The following ZFHX2 variants were observed in gnomAD, a reference collection of about 807,000 sequenced individuals.
ZFHX2 encodes zinc finger homeobox 2, also known as zinc finger homeobox protein 2.
ZFHX2 carries 75 observed loss-of-function variants against 164.8 expected under a neutral mutation model. The observed-to-expected ratio is 0.46, with a 90% CI of 0.38 to 0.55. The LOEUF (loss-of-function observed/expected upper bound fraction) is 0.55. Ranked by LOEUF, ZFHX2 falls within the 20% of genes least tolerant of loss-of-function variation. The probability of loss-of-function intolerance (pLI) is 0.00; values close to 1 mark genes in which losing one functional copy is unlikely to be tolerated. For missense variants in ZFHX2, 2,933 were observed against 3,308.0 expected (o/e 0.89, Z 2.78); for synonymous variants, 1,217 against 1,351.4 (o/e 0.90, Z 2.18).
Position 23,526,238 on chromosome 14 carries a change from C to T in ZFHX2, c.3704G>A (p.Gly1235Asp). 5.9e-6 allele frequency: 9 copies of T among 1,536,292 alleles called. No individual in the cohort carries two copies. The highest frequency in any genetic ancestry group is 7.8e-6 in the Non-Finnish European group (9 of 1,146,900). The change falls in exon 9 of 10, where the codon GGT becomes GAT. Residue 1235 changes from glycine to aspartate, a missense_variant. Coordinates refer to ENST00000419474, the MANE Select transcript of ZFHX2 (RefSeq NM_033400.3). ...DPSAPARGEA[G>D]APPTTTAATD... ...GGCAGCAGTGGTGGTGGGTGGGGCA[C>T]CGGCCTCTCCCCGTGCAGGGGCAGA...
chr14:23,552,689 C>T (rs1882067443), upstream of ZFHX2, among the ~76,000 whole-genome samples: 1 of 151,996 alleles, frequency 6.6e-6, no homozygotes, highest in African/African-American at 2.4e-5. Flanking sequence ...GCAACCTTCA[C>T]CTCCCAGGTT....
intron 3 of ZFHX2, 139 bp from the exon 4 acceptor site, chr14:23,531,860 C>A: frequency 8.8e-7 from 1 of 1,135,730 alleles, no homozygotes; most frequent in Non-Finnish European, 1.1e-6. Flanking sequence ...TCACTGAAGC[C>A]TCTACCTCCT....
intron 1 of ZFHX2, among the ~76,000 whole-genome samples, chr14:23,545,555 T>C (rs1191493396): frequency 6.6e-6 from 1 of 152,246 alleles, no homozygotes; most frequent in South Asian, 2.1e-4. Flanking sequence ...GCCTAATCTT[T>C]CCAGAACCTC....
In ZFHX2 at chr14:23,528,943, C is replaced by T. The variant is rs906646147; in HGVS notation, c.2934+767G>A. ...AAGGGGATCCAGATGCTCATCTTAA[C>T]GCACCTAGCCCCTGGAGCAGACATC... is the stretch of plus-strand genomic sequence containing the variant. On this transcript the variant is annotated intron_variant, in intron 6 of 9. Transcript: ENST00000419474. 3.4e-5 allele frequency: 20 copies of T among 594,200 alleles called. No individual in the cohort carries two copies. In the Admixed American group the frequency reaches 7.0e-4, roughly 21 times the overall value. The allele number at this position is 594,200 out of a possible 1,614,324, so 36.8% of individuals were successfully genotyped here.
intron 1 of ZFHX2, chr14:23,544,070 G>C (rs565980662): frequency 6.6e-6 from 1 of 152,024 alleles, no homozygotes; most frequent in African/African-American, 2.4e-5. Flanking sequence ...TGGCCAACAC[G>C]GTGAAACCCT....
rs1878797688 is a variant in ZFHX2 at position 23,526,939 on chromosome 14, A to G, written c.3170T>C (p.Val1057Ala). 1 of 1,529,738 alleles carries G rather than the reference A, an allele frequency of 6.5e-7. No homozygotes were observed. Among genetic ancestry groups the G allele is most frequent in the African/African-American group, 1.4e-5 (1 of 72,560 alleles). 94.8% of individuals were successfully genotyped at this position (1,529,738 alleles called of 1,614,324 possible). Residue 1057 changes from valine to alanine, a missense_variant, in exon 8 of 10, where the codon GTG (valine) becomes GCG (alanine). Transcript: ENST00000419474. ...AGGGCTTAATGTGGGTGCAGACAGC[A>G]CTTTGGTTGTAAATGTCATTTCTAC... ...TTVEMTFTTK[V>A]LSAPTLSPLD...
At chr14:23,547,389 C>T (rs1046208365) in intron 1 of ZFHX2, among the ~76,000 whole-genome samples, 9 of 152,232 alleles carry the variant, frequency 5.9e-5, no homozygotes, top group Non-Finnish European at 1.0e-4. Context: ...ATTGTAGTTT[C>T]ATGATTGGGA....
Position 23,531,659 on chromosome 14 carries a change from C to A in ZFHX2, c.2622G>T (p.Leu874Phe). The part of the protein sequence containing the change: ...GAELGLYHCL[L>F]CAWETPSRLA... ...AGCGGGAGGGTGTCTCCCACGCACA[C>A]AACAGGCAGTGGTATAGCCCCAGCT... The change falls in exon 4 of 10, where the codon TTG (leucine) becomes TTT (phenylalanine). Residue 874 changes from leucine to phenylalanine, a missense_variant. Coordinates refer to ENST00000419474, the MANE Select transcript of ZFHX2 (RefSeq NM_033400.3). The A allele has an allele frequency of 6.7e-7, 1 of 1,502,298 alleles. No individual in the cohort carries two copies. The highest frequency in any genetic ancestry group is 8.9e-7 in the Non-Finnish European group (1 of 1,126,680). The allele number at this position is 1,502,298 out of a possible 1,614,324, so 93.1% of individuals were successfully genotyped here.
At chr14:23,544,179 C>G (rs925390943) in intron 1 of ZFHX2, 1 of 151,228 alleles carries the variant, frequency 6.6e-6, no homozygotes, top group Admixed American at 6.6e-5. Context: ...CGCTTGAACC[C>G]GGGAAGCAGA....
chr14:23,521,520 T>A lies in ZFHX2; in HGVS notation c.*442A>T, dbSNP rs901901534. 1.9e-5 allele frequency: 3 copies of A among 156,714 alleles called. No individual in the cohort carries two copies. Among genetic ancestry groups the A allele is most frequent in the African/African-American group, 7.2e-5 (3 of 41,584 alleles). The allele number at this position is 156,714 out of a possible 1,614,324, so 9.7% of individuals were successfully genotyped here. A position where few individuals can be genotyped will look rare whatever the true frequency, so the allele number is the denominator to read the frequency against. On this transcript the variant is annotated 3_prime_UTR_variant, in exon 10 of 10. Coordinates refer to ENST00000419474, the MANE Select transcript of ZFHX2 (RefSeq NM_033400.3). ...CTTCTTTTTATCTTCTTTTTCAAAA[T>A]TTTTTGGTGTTTTCTCAGTGGAACA...
chr14:23,546,976 C>T lies in ZFHX2; in HGVS notation c.-50+4367G>A, dbSNP rs1168476446. On this transcript the variant is annotated intron_variant, in intron 1 of 9. Transcript: ENST00000419474. This position sits in a 1 kb window ranked among gnomAD's most constrained non-coding sequence, Gnocchi z 4.7. ...CTCCCCTGTCTTCTTTTGTAGATTT[C>T]TCAACCCATTCAGGGGCTTTTTGGC... is the stretch of plus-strand genomic sequence containing the variant. 6.6e-6 allele frequency among the ~76,000 whole-genome samples: 1 copy of T among 152,220 alleles called. No homozygotes were observed. The highest frequency in any genetic ancestry group is 1.5e-5 in the Non-Finnish European group (1 of 68,038).
Position 23,530,097 on chromosome 14 carries a change from G to A in ZFHX2, c.2875+23C>T, listed in dbSNP as rs3742488. 588,257 of 1,530,036 alleles carry A rather than the reference G, an allele frequency of 0.38. 117,705 individuals are homozygous for A. The highest frequency in any genetic ancestry group is 0.54 in the South Asian group (45,697 of 83,968). The allele number at this position is 1,530,036 out of a possible 1,614,324, so 94.8% of individuals were successfully genotyped here. Reference sequence around the variant, plus strand: ...AGCGTCTCAGAAGGTAGGAGGACTGGGGGGAAGGGAGGGAAAACTCACCCA... The same window carrying A: ...AGCGTCTCAGAAGGTAGGAGGACTGAGGGGAAGGGAGGGAAAACTCACCCA... On this transcript the variant is annotated intron_variant, in intron 5 of 9. Transcript: ENST00000419474.
chr14:23,523,622 C>T lies in ZFHX2; in HGVS notation c.6320G>A (p.Arg2107Lys). 1 of 1,558,064 alleles carries T rather than the reference C, an allele frequency of 6.4e-7. No individual in the cohort carries two copies. ...ATTCTGGAACCAGACCTGGATGACT[C>T]TCTTGGGCAGCCCAATCTCCTCTCC... is the stretch of plus-strand genomic sequence containing the variant. ...VLGEEIGLPK[R>K]VIQVWFQNAR... The change falls in exon 9 of 10, where the codon AGA becomes AAA. Residue 2107 changes from arginine to lysine, a missense_variant. Coordinates refer to ENST00000419474, the MANE Select transcript of ZFHX2 (RefSeq NM_033400.3). This position sits in a 1 kb window ranked among gnomAD's most constrained non-coding sequence, Gnocchi z 4.1.
chr14:23,530,205 T>C lies in ZFHX2; in HGVS notation c.2801-11A>G. 2 of 1,522,696 alleles carry C rather than the reference T, an allele frequency of 1.3e-6. No homozygotes were observed. The highest frequency in any genetic ancestry group is 8.8e-7 in the Non-Finnish European group (1 of 1,135,882). 94.3% of individuals were successfully genotyped at this position (1,522,696 alleles called of 1,614,324 possible). On this transcript the variant is annotated splice_polypyrimidine_tract_variant and intron_variant, in intron 4 of 9. Transcript: ENST00000419474. Reference sequence around the variant, plus strand: ...TGACAGGAGCCTTCCCTGTGTAGGATGGGGGGAGAGTCAGCTTAAAGAGGT... The same window carrying C: ...TGACAGGAGCCTTCCCTGTGTAGGACGGGGGGAGAGTCAGCTTAAAGAGGT...
intron 1 of ZFHX2, among the ~76,000 whole-genome samples, chr14:23,540,515 A>T (rs930724505): frequency 1.8e-4 from 27 of 152,218 alleles, no homozygotes; most frequent in African/African-American, 6.5e-4. Context: ...AGGAAGGATG[A>T]GATGTGTGTA....
chr14:23,523,393 C>G lies in ZFHX2; in HGVS notation c.6549G>C (p.Lys2183Asn). Residue 2183 changes from lysine to asparagine, a missense_variant, in exon 9 of 10, where the codon AAG becomes AAC. Transcript: ENST00000419474. The surrounding 1 kb of genome is among the most constrained non-coding windows in gnomAD (Gnocchi z 4.1). ...CCAAGTCGTAGCACTTGCTTTCACTCTTCAGCTGGGCTCGAACCGCCTCCT... is the reference window on the plus strand; with the variant it reads ...CCAAGTCGTAGCACTTGCTTTCACTGTTCAGCTGGGCTCGAACCGCCTCCT... ...KLKEAVRAQL[K>N]SESKCYDLAP... The G allele has an allele frequency of 6.6e-7, 1 of 1,511,948 alleles. No homozygotes were observed. Among genetic ancestry groups the G allele is most frequent in the South Asian group, 1.3e-5 (1 of 78,940 alleles). 93.7% of individuals were successfully genotyped at this position (1,511,948 alleles called of 1,614,324 possible). A position where few individuals can be genotyped will look rare whatever the true frequency, so the allele number is the denominator to read the frequency against.
At chr14:23,544,647 C>T (rs114261046) in intron 1 of ZFHX2, among the ~76,000 whole-genome samples, 3,167 of 152,278 alleles carry the variant, frequency 0.021, 117 homozygotes, top group African/African-American at 0.072. Flanking sequence ...CCGGCTGGCG[C>T]GGGCGTGTTT....
In ZFHX2 at chr14:23,522,824, G is replaced by A. The variant is rs1003791837; in HGVS notation, c.6857C>T (p.Thr2286Ile). 1.3e-6 allele frequency: 2 copies of A among 1,535,396 alleles called. No homozygotes were observed. The highest frequency in any genetic ancestry group is 2.7e-5 in the African/African-American group (2 of 73,040). The change falls in exon 10 of 10, where the codon ACC becomes ATC. Residue 2286 changes from threonine (T) to isoleucine (I), a missense_variant. Coordinates refer to ENST00000419474, the MANE Select transcript of ZFHX2 (RefSeq NM_033400.3). ...PLPQRPMPDQ[T>I]NTSTAGTTDP... is the part of the protein sequence containing the mutation. ...AGTGGTGCCTGCTGTGGAGGTGTTG[G>A]TTTGGTCGGGCATGGGTCTCTGAGG...
chr14:23,553,826 G>A (rs1882146721), upstream of ZFHX2, among the ~76,000 whole-genome samples: 1 of 151,854 alleles, frequency 6.6e-6, no homozygotes, highest in South Asian at 2.1e-4. Flanking sequence ...CCCTGGAGGC[G>A]GAGCTTGCAG....
Sources: gnomAD v4.1 joint callset for allele counts (sites outside exome capture counted in the v4.1 genomes callset) on GRCh38, gnomAD v4.1.1 for gene constraint, Gnocchi (gnomAD v3.1) non-coding constraint, MANE v1.5 for transcripts, NCBI Gene and HGNC (gene_info 2026-07-23, HGNC 2026-07-21) for gene names.